GAS7: variants seen among roughly 807,000 people sequenced by gnomAD.
GAS7 encodes growth arrest-specific protein 7.
A neutral mutation model predicts 71.1 loss-of-function variants in GAS7; 28 were observed. The observed-to-expected ratio is 0.39, with a 90% confidence interval of 0.29 to 0.54. The LOEUF (loss-of-function observed/expected upper bound fraction) is 0.54, where lower values mean the gene tolerates loss of function less well. Ranked by LOEUF, GAS7 falls within the 20% of genes least tolerant of loss-of-function variation. The pLI, the probability that GAS7 is intolerant of heterozygous loss-of-function variation, is 0.62. For missense variants in GAS7, 436 were observed against 627.8 expected, an observed-to-expected ratio of 0.69 and a Z score of 3.27; for synonymous variants, 258 against 245.8, an observed-to-expected ratio of 1.05 and a Z score of -0.46.
intron 3 of GAS7, among the ~76,000 whole-genome samples, chr17:9,973,208 G>C (rs1344030677): frequency 6.6e-6 from 1 of 150,784 alleles, no homozygotes; most frequent in Non-Finnish European, 1.5e-5. Flanking sequence ...CAAATGCTCA[G>C]AATTAGGGAT....
At chr17:10,106,056 C>A (rs997462499) in intron 1 of GAS7, among the ~76,000 whole-genome samples, 18 of 152,194 alleles carry the variant, frequency 1.2e-4, no homozygotes, top group Non-Finnish European at 4.4e-5. Context: ...CCTACCTCTG[C>A]CCTCCAGTCA....
chr17:10,171,175 T>C (rs571197525), intron 1 of GAS7, among the ~76,000 whole-genome samples: 48 of 152,190 alleles, frequency 3.2e-4, no homozygotes, highest in Non-Finnish European at 4.8e-4. Context: ...CTCTTTTGGT[T>C]TGGAAGAAAC....
chr17:10,182,703 G>A (rs962450522), intron 1 of GAS7, among the ~76,000 whole-genome samples: 1 of 152,136 alleles, frequency 6.6e-6, no homozygotes, highest in African/African-American at 2.4e-5. Context: ...GGGGCTGCAG[G>A]AGACACCGGC....
chr17:9,925,154 TC>T (rs2067950862), intron 11 of GAS7, among the ~76,000 whole-genome samples: 1 of 150,762 alleles, frequency 6.6e-6, no homozygotes. Context: ...TTTGTCCACC[TC>T]CTGGTCAGAG....
intron 1 of GAS7, among the ~76,000 whole-genome samples, chr17:10,081,428 A>G (rs1567583856): frequency 6.6e-6 from 1 of 152,246 alleles, no homozygotes; most frequent in Non-Finnish European, 1.5e-5. Flanking sequence ...TGCTGGGATT[A>G]CAGGTGTGAG....
intron 1 of GAS7, among the ~76,000 whole-genome samples, chr17:10,020,666 C>T (rs941345838): frequency 6.6e-6 from 1 of 152,002 alleles, no homozygotes; most frequent in Non-Finnish European, 1.5e-5. Flanking sequence ...AATCCCAGCA[C>T]TTTGGGAGGC....
chr17:10,178,882 AG>A (rs1328164578), intron 1 of GAS7, among the ~76,000 whole-genome samples: 3 of 151,968 alleles, frequency 2.0e-5, no homozygotes, highest in African/African-American at 7.2e-5. Flanking sequence ...TAGAGAAAAA[AG>A]GTGAGCAGAG....
intron 1 of GAS7, among the ~76,000 whole-genome samples, chr17:10,056,087 T>C (rs2152239333): frequency 6.6e-6 from 1 of 152,278 alleles, no homozygotes; most frequent in Middle Eastern, 3.4e-3. Context: ...TAGAACAGTG[T>C]CCAATGTCCG....
chr17:10,049,052 G>A (rs1490362813), intron 1 of GAS7, among the ~76,000 whole-genome samples: 3 of 152,176 alleles, frequency 2.0e-5, no homozygotes, highest in African/African-American at 4.8e-5. Flanking sequence ...TGAGGAGCAC[G>A]CATAACTGAT....
intron 2 of GAS7, among the ~76,000 whole-genome samples, chr17:9,992,573 T>TA (rs2070885107): frequency 1.3e-5 from 2 of 148,792 alleles, no homozygotes; most frequent in East Asian, 1.9e-4. Context: ...TTTTTTTTTT[T>TA]ATTGTAATTT....
intron 2 of GAS7, among the ~76,000 whole-genome samples, chr17:9,997,102 T>G (rs941592836): frequency 3.9e-5 from 6 of 152,140 alleles, no homozygotes; most frequent in African/African-American, 1.4e-4. Flanking sequence ...GAGGTGCTTC[T>G]CAAGGCAATG....
intron 3 of GAS7, among the ~76,000 whole-genome samples, chr17:9,972,178 C>A (rs911434580): frequency 2.0e-5 from 3 of 152,214 alleles, no homozygotes; most frequent in African/African-American, 7.2e-5. Flanking sequence ...CAGCTACAAG[C>A]CTGGGCCACA....
intron 1 of GAS7, among the ~76,000 whole-genome samples, chr17:10,174,420 C>A (rs980641660): frequency 5.3e-5 from 8 of 152,148 alleles, no homozygotes; most frequent in African/African-American, 1.2e-4. Flanking sequence ...TGGCCAGGCG[C>A]GGTGGCTCAC....
At chr17:9,930,566 C>A (rs1002665603) in intron 9 of GAS7, among the ~76,000 whole-genome samples, 2 of 152,180 alleles carry the variant, frequency 1.3e-5, no homozygotes, top group East Asian at 1.9e-4. Context: ...TCTTTGTATA[C>A]GGCTCTCTCA....
intron 11 of GAS7, among the ~76,000 whole-genome samples, chr17:9,921,297 C>T (rs2067798283): frequency 6.6e-6 from 1 of 151,902 alleles, no homozygotes; most frequent in South Asian, 2.1e-4. Flanking sequence ...GCTGGTACCA[C>T]AGGCATGCGC....
At chr17:9,940,862 G>A (rs962322150) in intron 7 of GAS7, among the ~76,000 whole-genome samples, 6 of 152,232 alleles carry the variant, frequency 3.9e-5, no homozygotes, top group African/African-American at 1.2e-4. Flanking sequence ...TATCTGGCAC[G>A]TCCATGTTAA....
intron 1 of GAS7, among the ~76,000 whole-genome samples, chr17:10,036,131 G>A (rs1373682743): frequency 6.6e-6 from 1 of 152,086 alleles, no homozygotes; most frequent in Non-Finnish European, 1.5e-5. Context: ...AGGTAACTAG[G>A]GGAGCCAAGA....
At chr17:10,142,143 G>A (rs1033084645) in intron 1 of GAS7, among the ~76,000 whole-genome samples, 1 of 151,146 alleles carries the variant, frequency 6.6e-6, no homozygotes, top group Admixed American at 6.6e-5. Context: ...GTGAACCCGG[G>A]AGGCGGAGCT....
intron 1 of GAS7, among the ~76,000 whole-genome samples, chr17:10,106,855 T>C (rs2073761800): frequency 6.6e-6 from 1 of 152,176 alleles, no homozygotes; most frequent in African/African-American, 2.4e-5. Flanking sequence ...AAAGGGACTT[T>C]GTAGGGCATG....
Sources: gnomAD v4.1 joint callset for allele counts (sites outside exome capture counted in the v4.1 genomes callset) on GRCh38, gnomAD v4.1.1 for gene constraint, MANE v1.5 for transcripts, NCBI Gene and HGNC (gene_info 2026-07-23, HGNC 2026-07-21) for gene names.